The following UGDH variants were observed in gnomAD, a reference collection of about 807,000 sequenced individuals.
UGDH encodes the protein UDP-Glc dehydrogenase.
Under a neutral mutation model 50.6 loss-of-function variants are expected in UGDH, and 38 were observed. The ratio of observed to expected loss-of-function variants is 0.75; its 90% CI spans 0.58 to 0.98. UGDH has a LOEUF of 0.98. Among genes scored for constraint, UGDH ranks in the 50% least tolerant of loss-of-function variants. The probability of loss-of-function intolerance (pLI) is 0.00; values close to 1 mark genes in which losing one functional copy is unlikely to be tolerated. For missense variants in UGDH, 465 were observed against 606.2 expected (o/e 0.77, Z 2.45); for synonymous variants, 168 against 199.9 (o/e 0.84, Z 1.35).
chr4:39,521,285 T>C (rs1746650197), intron 2 of UGDH, 66 bp downstream of exon 2: 1 of 1,415,560 alleles, frequency 7.1e-7, no homozygotes, highest in Admixed American at 2.5e-5. Flanking sequence ...TAATAGTGCA[T>C]ATAAATGATA....
chr4:39,520,812 G>A (rs372962477), intron 2 of UGDH, among the ~76,000 whole-genome samples: 6 of 151,672 alleles, frequency 4.0e-5, no homozygotes, highest in African/African-American at 7.3e-5. Context: ...AGTGGCTCAC[G>A]CCTGTAATCC....
rs960264599 is a variant in UGDH at position 39,504,311 on chromosome 4, A to C, written c.1263+106T>G. 27 of 1,075,896 alleles carry C rather than the reference A, an allele frequency of 2.5e-5. No individual in the cohort carries two copies. In the South Asian group the frequency reaches 2.8e-4, roughly 11 times the overall value. The allele number at this position is 1,075,896 out of a possible 1,614,324, so 66.6% of individuals were successfully genotyped here. A position where few individuals can be genotyped will look rare whatever the true frequency, so the allele number is the denominator to read the frequency against. The stretch of plus-strand genomic sequence containing the variant: ...CGACAGAGCGAGACTCCATCTCAAA[A>C]AAAAAAACAAAAAAACAAAAAAACA... On this transcript the variant is annotated intron_variant, in intron 10 of 11. Transcript: ENST00000316423.
At chr4:39,515,669 A>G (rs1308263507) in intron 2 of UGDH, among the ~76,000 whole-genome samples, 2 of 151,720 alleles carry the variant, frequency 1.3e-5, no homozygotes, top group Non-Finnish European at 2.9e-5. Context: ...AAGTTGAAAA[A>G]CTCCAAGGAA....
chr4:39,512,882 T>C (rs1191702983), intron 3 of UGDH, among the ~76,000 whole-genome samples: 2 of 148,164 alleles, frequency 1.3e-5, no homozygotes. Context: ...GAGTGCAAGG[T>C]ACAATAATGG....
chr4:39,513,498 C>T (rs1746321042), intron 3 of UGDH, among the ~76,000 whole-genome samples: 1 of 149,386 alleles, frequency 6.7e-6, no homozygotes, highest in Admixed American at 6.7e-5. Flanking sequence ...ACTATCATCA[C>T]ATGTGCTCTC....
At position 39,506,233 on chromosome 4, in the gene UGDH, T is replaced by TAAAA. The variant is rs373456890; in HGVS notation, c.907-489_907-486dup. On this transcript the variant is annotated intron_variant, in intron 7 of 11. Coordinates refer to ENST00000316423, the MANE Select transcript of UGDH (RefSeq NM_003359.4). The stretch of plus-strand genomic sequence containing the variant: ...ACAGAGCCAGACCCTGCCGTAAATT[T>TAAAA]AAAAAAAAAAAAAAAGCCATTCTAA... Among the ~76,000 whole-genome samples the TAAAA allele has an allele frequency of 1.5e-4, 20 of 131,110 alleles. 1 individual carries two copies. The highest frequency in any genetic ancestry group is 4.1e-4 in the Admixed American group (5 of 12,180). 86.0% of individuals were successfully genotyped at this position (131,110 alleles called of 152,430 possible).
chr4:39,516,738 C>T (rs781138373), intron 2 of UGDH, among the ~76,000 whole-genome samples: 2 of 152,086 alleles, frequency 1.3e-5, no homozygotes, highest in Non-Finnish European at 2.9e-5. Flanking sequence ...ACAGGACAAG[C>T]AAGATATATG....
intron 6 of UGDH, among the ~76,000 whole-genome samples, chr4:39,509,379 T>C (rs1746143487): frequency 6.6e-6 from 1 of 152,154 alleles, no homozygotes; most frequent in Non-Finnish European, 1.5e-5. Context: ...AAACTGCCAC[T>C]GTAGCTCAAA....
At chr4:39,505,099 C>G (rs773219435) in intron 9 of UGDH, 138 bp downstream of exon 9, 5 of 827,450 alleles carry the variant, frequency 6.0e-6, no homozygotes, top group Non-Finnish European at 8.8e-6. Flanking sequence ...ATGCCTAAGA[C>G]TTTAATTTCA....
Position 39,526,991 on chromosome 4 carries a change from GA to G in UGDH, c.-8+291del, listed in dbSNP as rs1469461698. On this transcript the variant is annotated intron_variant, in intron 1 of 11. Coordinates refer to ENST00000316423, the MANE Select transcript of UGDH (RefSeq NM_003359.4). ...GGCGTTCGGCTTTGGAGGCGGCAGG[GA>G]AATCTCATCCAAGTCAGGAAAGTGG... 6 of 1,287,508 alleles carry G rather than the reference GA, an allele frequency of 4.7e-6. No homozygotes were observed. The African/African-American group carries it at 9.1e-5, about 20-fold the overall frequency. The allele number at this position is 1,287,508 out of a possible 1,614,324, so 79.8% of individuals were successfully genotyped here.
chr4:39,521,280 G>T, intron 2 of UGDH, 71 bp downstream of exon 2: 1 of 1,347,092 alleles, frequency 7.4e-7, no homozygotes, highest in African/African-American at 1.5e-5. Context: ...TATATTAATA[G>T]TGCATATAAA....
At chr4:39,511,892 G>A (rs1224260270) in intron 3 of UGDH, among the ~76,000 whole-genome samples, 2 of 150,342 alleles carry the variant, frequency 1.3e-5, no homozygotes, top group African/African-American at 4.9e-5. Context: ...ATTTTTAGAC[G>A]GGGTTTCACC....
At chr4:39,519,816 A>G (rs1052103417) in intron 2 of UGDH, among the ~76,000 whole-genome samples, 2 of 152,202 alleles carry the variant, frequency 1.3e-5, no homozygotes, top group Non-Finnish European at 2.9e-5. Flanking sequence ...CTAGGATTAC[A>G]GGTGTGAGCC....
intron 1 of UGDH, 66 bp from the exon 2 acceptor site, chr4:39,521,585 C>T (rs1190062350): frequency 1.6e-6 from 2 of 1,288,636 alleles, no homozygotes; most frequent in African/African-American, 3.1e-5. Context: ...TAATATTGTA[C>T]ATTAATTATA....
chr4:39,509,660 T>A, intron 6 of UGDH, 100 bp downstream of exon 6: 1 of 1,346,078 alleles, frequency 7.4e-7, no homozygotes, highest in Non-Finnish European at 1.0e-6. Flanking sequence ...TAACAGGTTA[T>A]AAGGATTCAA....
At position 39,509,815 on chromosome 4, in the gene UGDH, T is replaced by G. The variant is rs200669316; in HGVS notation, c.756A>C (p.Ala252=). The stretch of plus-strand genomic sequence containing the variant: ...TTCTCTGGTCCATTCCAATCGCTGT[T>G]GCTACCTCTTCTACATCAGCTCCTG... ...EATGADVEEV[A]TAIGMDQRIG... Residue 252 remains alanine, a synonymous_variant, in exon 6 of 12, where the codon GCA becomes GCC. Coordinates refer to ENST00000316423, the MANE Select transcript of UGDH (RefSeq NM_003359.4). The G allele has an allele frequency of 1.2e-4, 200 of 1,613,638 alleles. 1 individual carries two copies. The East Asian group carries it at 4.1e-3, about 33-fold the overall frequency.
intron 3 of UGDH, among the ~76,000 whole-genome samples, chr4:39,511,380 C>T (rs1746239774): frequency 6.6e-6 from 1 of 151,824 alleles, no homozygotes; most frequent in South Asian, 2.1e-4. Context: ...CCTGCCTCAG[C>T]CTCCCAAGTA....
intron 2 of UGDH, among the ~76,000 whole-genome samples, chr4:39,520,433 C>T (rs1219232808): frequency 6.6e-6 from 1 of 151,954 alleles, no homozygotes; most frequent in Non-Finnish European, 1.5e-5. Flanking sequence ...TTTGCAAATG[C>T]TTTTCTGTTG....
intron 2 of UGDH, 88 bp downstream of exon 2, chr4:39,521,262 TA>T: frequency 7.7e-7 from 1 of 1,305,410 alleles, no homozygotes; most frequent in Non-Finnish European, 1.0e-6. Flanking sequence ...GTTGCTGTTA[TA>T]GATTTTTATA....
Sources: gnomAD v4.1 joint callset for allele counts (sites outside exome capture counted in the v4.1 genomes callset) on GRCh38, gnomAD v4.1.1 for gene constraint, MANE v1.5 for transcripts, NCBI Gene and HGNC (gene_info 2026-07-23, HGNC 2026-07-21) for gene names.